ASCC3: variants seen among roughly 807,000 people sequenced by gnomAD.
The protein encoded by ASCC3 is ASC-1 complex subunit P200.
A neutral mutation model predicts 256.3 loss-of-function variants in ASCC3; 158 were observed. That is an observed-to-expected ratio of 0.62 (90% CI 0.54 to 0.70). The LOEUF (loss-of-function observed/expected upper bound fraction) is 0.70, where lower values mean the gene tolerates loss of function less well. Ranked by LOEUF, ASCC3 falls within the 30% of genes least tolerant of loss-of-function variation. The pLI, the probability that ASCC3 is intolerant of heterozygous loss-of-function variation, is 0.00. For missense variants in ASCC3, 2,259 were observed against 2,626.0 expected (o/e 0.86, Z 3.05); for synonymous variants, 948 against 883.4 (o/e 1.07, Z -1.30).
intron 30 of ASCC3, among the ~76,000 whole-genome samples, chr6:100,611,652 C>G (rs1252595902): frequency 1.3e-5 from 2 of 151,748 alleles, no homozygotes; most frequent in African/African-American, 4.8e-5. Context: ...TGGAAAGACC[C>G]AGTGATTTTG....
At chr6:100,687,034 T>A (rs9403967) in intron 13 of ASCC3, among the ~76,000 whole-genome samples, 59,370 of 128,362 alleles carry the variant, frequency 0.46, 13,647 homozygotes, top group East Asian at 0.6. Context: ...TCTCTCTCTC[T>A]CACACACACA....
intron 38 of ASCC3, among the ~76,000 whole-genome samples, chr6:100,517,123 G>GT (rs1327341266): frequency 1.3e-5 from 2 of 152,026 alleles, no homozygotes; most frequent in African/African-American, 4.8e-5. Flanking sequence ...ACATCCCATG[G>GT]TAAGAACCCA....
chr6:100,560,654 CAGTCA>C (rs1769884186), intron 36 of ASCC3, among the ~76,000 whole-genome samples: 3 of 151,808 alleles, frequency 2.0e-5, no homozygotes. Context: ...GATTAGGAGG[CAGTCA>C]AGCATCCATC....
At position 100,718,248 on chromosome 6, in the gene ASCC3, C is replaced by A; in HGVS notation, c.1906G>T (p.Glu636Ter). The A allele has an allele frequency of 6.3e-7, 1 of 1,598,814 alleles. No homozygotes were observed. Among genetic ancestry groups the A allele is most frequent in the South Asian group, 1.1e-5 (1 of 88,242 alleles). Reference sequence around the variant, plus strand: ...ATCCTTATCATACTCTGTGTGGATTCCACCTATATGGATTATTTTAATTAA... The same window carrying A: ...ATCCTTATCATACTCTGTGTGGATTACACCTATATGGATTATTTTAATTAA... ...SIVARTLRQV[E>*]STQSMIRILG... is the part of the protein sequence containing the mutation. Residue 636 changes from glutamate to a stop codon, truncating the protein, a stop_gained, in exon 12 of 42, where the codon GAA becomes TAA. Transcript: ENST00000369162. LOFTEE classifies it high-confidence loss of function.
At position 100,571,722 on chromosome 6, in the gene ASCC3, G is replaced by A. The variant is rs1023406071; in HGVS notation, c.5550+17912C>T. On this transcript the variant is annotated intron_variant, in intron 36 of 41. Coordinates refer to ENST00000369162, the MANE Select transcript of ASCC3 (RefSeq NM_006828.4). ...CTAGAAAGTGGCAGAGATAGTATTC[G>A]AAACTGTTCAGGTTTGATTTCAGAA... Among the ~76,000 whole-genome samples the A allele has an allele frequency of 9.2e-5, 14 of 152,162 alleles. No homozygotes were observed. The South Asian group carries it at 1.7e-3, about 18-fold the overall frequency.
intron 3 of ASCC3, chr6:100,858,481 AT>A (rs1448272096): frequency 1.0e-5 from 7 of 696,170 alleles, no homozygotes. Flanking sequence ...GATTAACAAA[AT>A]CCCCTTCTAT....
At chr6:100,730,383 G>A (rs1231799367) in intron 10 of ASCC3, among the ~76,000 whole-genome samples, 1 of 152,038 alleles carries the variant, frequency 6.6e-6, no homozygotes, top group Non-Finnish European at 1.5e-5. Context: ...ATAAAATATG[G>A]TACATTTAGT....
chr6:100,571,511 T>C (rs1400139230), intron 36 of ASCC3, among the ~76,000 whole-genome samples: 1 of 152,210 alleles, frequency 6.6e-6, no homozygotes, highest in Non-Finnish European at 1.5e-5. Flanking sequence ...TTCTGCTGTA[T>C]CCTCCATGGC....
chr6:100,579,087 G>C (rs373695556), intron 36 of ASCC3, among the ~76,000 whole-genome samples: 36 of 151,770 alleles, frequency 2.4e-4, no homozygotes, highest in Middle Eastern at 3.4e-3. Context: ...TAGTGACGTT[G>C]AGCACTTTTT....
At chr6:100,600,344 A>T (rs1389315823) in intron 34 of ASCC3, among the ~76,000 whole-genome samples, 1 of 152,094 alleles carries the variant, frequency 6.6e-6, no homozygotes, top group African/African-American at 2.4e-5. Flanking sequence ...GCTTCCATAT[A>T]TTCAATATCA....
intron 4 of ASCC3, among the ~76,000 whole-genome samples, chr6:100,808,151 C>G (rs1301152151): frequency 6.6e-6 from 1 of 151,750 alleles, no homozygotes; most frequent in Non-Finnish European, 1.5e-5. Context: ...CTGATGATAC[C>G]AGTGATAATA....
At chr6:100,810,499 C>T (rs192460732) in intron 4 of ASCC3, among the ~76,000 whole-genome samples, 228 of 152,122 alleles carry the variant, frequency 1.5e-3, no homozygotes, top group African/African-American at 5.3e-3. Context: ...ATGTTGTATT[C>T]GTAACAGTAT....
intron 4 of ASCC3, among the ~76,000 whole-genome samples, chr6:100,833,450 C>A (rs1312601004): frequency 6.6e-6 from 1 of 152,016 alleles, no homozygotes; most frequent in Non-Finnish European, 1.5e-5. Flanking sequence ...TGTAATCTTA[C>A]GGTAAACTAT....
At chr6:100,522,911 A>G (rs1056899486) in intron 37 of ASCC3, among the ~76,000 whole-genome samples, 1 of 149,920 alleles carries the variant, frequency 6.7e-6, no homozygotes, top group African/African-American at 2.5e-5. Flanking sequence ...AATACAGTAT[A>G]TTGCCTATGA....
At chr6:100,758,000 T>C (rs1195802591) in intron 10 of ASCC3, among the ~76,000 whole-genome samples, 1 of 152,162 alleles carries the variant, frequency 6.6e-6, no homozygotes, top group Non-Finnish European at 1.5e-5. Flanking sequence ...ACTCACTGTG[T>C]GTGAAGACTG....
chr6:100,647,254 C>G lies in ASCC3; in HGVS notation c.3450G>C (p.Lys1150Asn). The G allele has an allele frequency of 1.2e-6, 2 of 1,613,588 alleles. No individual in the cohort carries two copies. The highest frequency in any genetic ancestry group is 2.2e-5 in the South Asian group (2 of 91,062). ...RLEEKKLTVD[K>N]LKDMRKDEIG... ...TTTCATCTTTCCTCATGTCTTTCAG[C>G]TTATCCACAGTAAGCTTTTTTTCTT... Residue 1150 changes from lysine to asparagine, a missense_variant, in exon 21 of 42, where the codon AAG becomes AAC. Around this residue, in one of 2 missense-constraint regions of ASCC3, gnomAD observed 1,839 missense variants for 2,206.7 expected, o/e 0.83. Transcript: ENST00000369162.
chr6:100,805,647 C>A lies in ASCC3; in HGVS notation c.922+113G>T, dbSNP rs140901679. On this transcript the variant is annotated intron_variant, in intron 5 of 41. Coordinates refer to ENST00000369162, the MANE Select transcript of ASCC3 (RefSeq NM_006828.4). ...TAAAATCTATTTAACAGAGTAATAT[C>A]AGTAAATTATATAACAGACCAAAAC... The A allele has an allele frequency of 8.4e-5, 103 of 1,227,852 alleles. 1 individual carries two copies. The African/African-American group carries it at 1.4e-3, about 16-fold the overall frequency. The allele number at this position is 1,227,852 out of a possible 1,614,324, so 76.1% of individuals were successfully genotyped here. A position where few individuals can be genotyped will look rare whatever the true frequency, so the allele number is the denominator to read the frequency against.
At chr6:100,851,388 G>C (rs1396964020) in intron 3 of ASCC3, among the ~76,000 whole-genome samples, 3 of 152,130 alleles carry the variant, frequency 2.0e-5, no homozygotes, top group Non-Finnish European at 4.4e-5. Flanking sequence ...TTAGGTTACT[G>C]GTTGAATTCT....
At chr6:100,782,269 A>G (rs972090425) in intron 8 of ASCC3, among the ~76,000 whole-genome samples, 4 of 152,166 alleles carry the variant, frequency 2.6e-5, no homozygotes, top group African/African-American at 9.7e-5. Flanking sequence ...AAGAATAGAA[A>G]AGAAAAAGGA....
Sources: allele counts gnomAD v4.1 joint callset (sites outside exome capture counted in the v4.1 genomes callset), GRCh38; gene constraint gnomAD v4.1.1; regional missense constraint gnomAD v4.1.1; transcripts MANE v1.5; gene names NCBI Gene and HGNC (gene_info 2026-07-23, HGNC 2026-07-21).